The following CDC6 variants were observed in gnomAD, a reference collection of about 807,000 sequenced individuals.
CDC6 encodes cell division cycle 6, also known as DNA replication factor CDC6.
A neutral mutation model predicts 60.2 loss-of-function variants in CDC6; 46 were observed. That is an observed-to-expected ratio of 0.76 (90% CI 0.60 to 0.98). The LOEUF is 0.98. Ranked by LOEUF, CDC6 falls within the 50% of genes least tolerant of loss-of-function variation. The pLI is 0.00. For missense variants in CDC6, 596 were observed against 652.9 expected (o/e 0.91, Z 0.95); for synonymous variants, 210 against 233.2 (o/e 0.90, Z 0.90).
chr17:40,288,469 A>G (rs2032695480), intron 1 of CDC6, among the ~76,000 whole-genome samples: 1 of 150,764 alleles, frequency 6.6e-6, no homozygotes, highest in Admixed American at 6.6e-5. Context: ...CCCAGGCTGT[A>G]GTGCAGTGGT....
intron 9 of CDC6, among the ~76,000 whole-genome samples, chr17:40,300,416 G>A (rs2032922457): frequency 6.6e-6 from 1 of 152,094 alleles, no homozygotes; most frequent in South Asian, 2.1e-4. Context: ...AGGATCACTT[G>A]AACCCAGGAA....
rs769034468 is a variant in CDC6 at position 40,295,434 on chromosome 17, C to T, written c.1162C>T (p.Arg388Cys). The stretch of plus-strand genomic sequence containing the variant: ...AGTCTCTGCTGTTTCAGGAGATGTT[C>T]GCAAAGCACTGGATGTTTGCAGGTG... Reference protein sequence around the residue: ...RKVSAVSGDVRKALDVCRRAI... With the variant: ...RKVSAVSGDVCKALDVCRRAI... Residue 388 changes from arginine (R) to cysteine (C), a missense_variant, in exon 8 of 12, where the codon CGC becomes TGC. Physicochemically the swap from Arg to Cys is radical, Grantham distance 180. Coordinates refer to ENST00000209728, the MANE Select transcript of CDC6 (RefSeq NM_001254.4). 13 of 1,610,776 alleles carry T rather than the reference C, an allele frequency of 8.1e-6. No individual in the cohort carries two copies. The highest frequency in any genetic ancestry group is 4.0e-5 in the African/African-American group (3 of 74,386).
chr17:40,294,706 G>A (rs947492434), intron 7 of CDC6, among the ~76,000 whole-genome samples: 1 of 150,384 alleles, frequency 6.6e-6, no homozygotes, highest in African/African-American at 2.4e-5. Flanking sequence ...AAAAGCAGGA[G>A]TTAGAGGAAT....
intron 9 of CDC6, among the ~76,000 whole-genome samples, chr17:40,297,865 C>G (rs1181977679): frequency 1.3e-5 from 2 of 152,212 alleles, no homozygotes; most frequent in Non-Finnish European, 2.9e-5. Context: ...CATACTGCTA[C>G]AGTAAGCTGC....
intron 7 of CDC6, among the ~76,000 whole-genome samples, chr17:40,294,785 C>T (rs879644061): frequency 2.5e-4 from 38 of 150,182 alleles, no homozygotes; most frequent in Non-Finnish European, 4.7e-4. Context: ...AGTGCAATGG[C>T]GTGATCTCGG....
Position 40,302,035 on chromosome 17 carries a change from G to C in CDC6, c.*34G>C. ...CTTACACCCCACCCGAAAGTATTCAGCTGGCATTTAGAGAGCTACAGTCTT... is the reference window on the plus strand; with the variant it reads ...CTTACACCCCACCCGAAAGTATTCACCTGGCATTTAGAGAGCTACAGTCTT... On this transcript the variant is annotated 3_prime_UTR_variant, in exon 12 of 12. Transcript: ENST00000209728. The C allele has an allele frequency of 8.1e-7, 1 of 1,239,456 alleles. No individual in the cohort carries two copies. The highest frequency in any genetic ancestry group is 1.2e-6 in the Non-Finnish European group (1 of 837,786). The allele number at this position is 1,239,456 out of a possible 1,614,324, so 76.8% of individuals were successfully genotyped here.
In CDC6 at chr17:40,304,449, G is replaced by C. The variant is rs1203885381; in HGVS notation, c.*2448G>C. On this transcript the variant is annotated 3_prime_UTR_variant, in exon 12 of 12. Transcript: ENST00000209728. The stretch of plus-strand genomic sequence containing the variant: ...ATGGGATGGGATGGGCTTGTGGTTA[G>C]CAGTTTTTGCCAGGATCATAGGCTG... 2 of 152,222 alleles carry C rather than the reference G, an allele frequency of 1.3e-5. No individual in the cohort carries two copies. The highest frequency in any genetic ancestry group is 4.8e-5 in the African/African-American group (2 of 41,444). The allele number at this position is 152,222 out of a possible 1,614,324, so 9.4% of individuals were successfully genotyped here.
chr17:40,295,501 A>AG, intron 8 of CDC6, 45 bp downstream of exon 8: 1 of 1,263,730 alleles, frequency 7.9e-7, no homozygotes, highest in Admixed American at 1.7e-5. Context: ...AAAAAAAAAA[A>AG]AGAAATGCTG....
intron 4 of CDC6, 29 bp downstream of exon 4, chr17:40,291,697 CT>C: frequency 6.3e-7 from 1 of 1,578,858 alleles, no homozygotes; most frequent in Non-Finnish European, 8.7e-7. Context: ...TTATGATACT[CT>C]TGGTAAAATG....
At chr17:40,294,935 G>A (rs1453557330) in intron 7 of CDC6, among the ~76,000 whole-genome samples, 1 of 152,066 alleles carries the variant, frequency 6.6e-6, no homozygotes, top group Non-Finnish European at 1.5e-5. Context: ...GTCTTGGCCA[G>A]GCTGGTCTCG....
At position 40,291,058 on chromosome 17, in the gene CDC6, G is replaced by A. The variant is rs752121916; in HGVS notation, c.179G>A (p.Gly60Asp). ...ACATTTTTATTTTATTGTGTTTCAG[G>A]CGATGACAACCTATGCAACACTCCC... ...ALPLSPRKRL[G>D]DDNLCNTPHL... Residue 60 changes from glycine to aspartate, a missense_variant and splice_region_variant, in exon 3 of 12, where the codon GGC becomes GAC. By Grantham distance (94) the Gly-to-Asp change is moderately conservative. Transcript: ENST00000209728. 2 of 1,613,914 alleles carry A rather than the reference G, an allele frequency of 1.2e-6. No individual in the cohort carries two copies. The highest frequency in any genetic ancestry group is 2.2e-5 in the South Asian group (2 of 91,052).
Position 40,294,001 on chromosome 17 carries a change from A to G in CDC6, c.888A>G (p.Val296=), listed in dbSNP as rs760945020. The part of the protein sequence containing the change: ...MDQLDSKGQD[V]LYTLFEWPWL... Reference sequence around the variant, plus strand: ...AACTGGACAGCAAAGGCCAGGATGTATTGTACACGCTATTTGAATGGCCAT... The same window carrying G: ...AACTGGACAGCAAAGGCCAGGATGTGTTGTACACGCTATTTGAATGGCCAT... Residue 296 remains valine (V), a synonymous_variant, in exon 6 of 12, where the codon GTA becomes GTG. Coordinates refer to ENST00000209728, the MANE Select transcript of CDC6 (RefSeq NM_001254.4). The G allele has an allele frequency of 6.2e-7, 1 of 1,614,106 alleles. No individual in the cohort carries two copies. Among genetic ancestry groups the G allele is most frequent in the Non-Finnish European group, 8.5e-7 (1 of 1,179,968 alleles).
chr17:40,295,179 A>G (rs753122834), intron 7 of CDC6, among the ~76,000 whole-genome samples, 177 bp from the exon 8 acceptor site: 3 of 152,318 alleles, frequency 2.0e-5, no homozygotes, highest in Non-Finnish European at 4.4e-5. Flanking sequence ...AAAAAGCTTA[A>G]ATGTGTGAAA....
rs149245367 is a variant in CDC6 at position 40,291,134 on chromosome 17, C to T, written c.255C>T (p.Pro85=). The T allele has an allele frequency of 4.3e-6, 7 of 1,613,996 alleles. No homozygotes were observed. In the African/African-American group the frequency reaches 9.3e-5, roughly 22 times the overall value. The change falls in exon 3 of 12, where the codon CCC becomes CCT. Residue 85 remains proline, a synonymous_variant. Transcript: ENST00000209728. ...PPKQGKKENG[P]PHSHTLKGRR... is the part of the protein sequence containing the mutation. ...AGCAAGGCAAGAAAGAGAATGGTCC[C>T]CCTCACTCACATACACTTAAGGGAC...
At chr17:40,290,669 C>A (rs2032742531) in intron 2 of CDC6, among the ~76,000 whole-genome samples, 1 of 152,174 alleles carries the variant, frequency 6.6e-6, no homozygotes, top group South Asian at 2.1e-4. Context: ...ATAACCAAGT[C>A]AGCTACTAAG....
At position 40,294,404 on chromosome 17, in the gene CDC6, T is replaced by G. The variant is rs1358380550; in HGVS notation, c.984T>G (p.Pro328=). 6.2e-7 allele frequency: 1 copy of G among 1,609,680 alleles called. No individual in the cohort carries two copies. Among genetic ancestry groups the G allele is most frequent in the Non-Finnish European group, 8.5e-7 (1 of 1,176,004 alleles). Residue 328 remains proline (P), a synonymous_variant, in exon 7 of 12, where the codon CCT becomes CCG. Transcript: ENST00000209728. ...NTLDLTDRIL[P]RLQAREKCKP... is the part of the protein sequence containing the mutation. ...TGGATCTCACAGATAGAATTCTACC[T>G]AGGCTTCAAGCTAGAGAAAAATGTA...
At chr17:40,292,418 G>A (rs969740203) in intron 4 of CDC6, among the ~76,000 whole-genome samples, 2 of 150,588 alleles carry the variant, frequency 1.3e-5, no homozygotes, top group African/African-American at 4.9e-5. Context: ...ATCACCTAAG[G>A]TCAGGAGTTT....
intron 4 of CDC6, 69 bp from the exon 5 acceptor site, chr17:40,293,387 T>G: frequency 1.6e-6 from 2 of 1,216,098 alleles, no homozygotes; most frequent in East Asian, 4.7e-5. Context: ...TTCAAAGACA[T>G]TTTAGGCTCT....
intron 6 of CDC6, 82 bp from the exon 7 acceptor site, chr17:40,294,282 A>T: frequency 8.5e-7 from 1 of 1,175,476 alleles, no homozygotes; most frequent in Non-Finnish European, 1.3e-6. Flanking sequence ...CTATAACTGG[A>T]GATTTATTTA....
Sources: allele counts gnomAD v4.1 joint callset (sites outside exome capture counted in the v4.1 genomes callset), GRCh38; gene constraint gnomAD v4.1.1; transcripts MANE v1.5; gene names NCBI Gene and HGNC (gene_info 2026-07-23, HGNC 2026-07-21).